BRINP1: variants seen among roughly 807,000 people sequenced by gnomAD.
BRINP1 encodes BMP/retinoic acid-inducible neural-specific protein 1.
In BRINP1, 17 loss-of-function variants were observed where a neutral mutation model predicts 72.9. The ratio of observed to expected loss-of-function variants is 0.23; its 90% CI spans 0.16 to 0.35. BRINP1 has a LOEUF of 0.35. Ranked by LOEUF, BRINP1 falls within the 10% of genes least tolerant of loss-of-function variation. The pLI, the probability that BRINP1 is intolerant of heterozygous loss-of-function variation, is 1.00. For missense variants in BRINP1, 850 were observed against 1,001.6 expected (o/e 0.85, Z 2.04); for synonymous variants, 418 against 378.5 (o/e 1.10, Z -1.21).
intron 1 of BRINP1, among the ~76,000 whole-genome samples, chr9:119,318,844 G>GGGGGGGTGT (rs111313745): frequency 1.1e-4 from 16 of 142,236 alleles, no homozygotes; most frequent in African/African-American, 2.3e-4. Flanking sequence ...AAATGTGTGG[G>GGGGGGGTGT]GTGTGTGTGT....
chr9:119,263,398 C>A (rs1830515524), intron 2 of BRINP1, among the ~76,000 whole-genome samples: 1 of 151,990 alleles, frequency 6.6e-6, no homozygotes, highest in Admixed American at 6.6e-5. Context: ...AAGTACTGGG[C>A]CTGGGCTTGG....
chr9:119,313,472 A>C, intron 1 of BRINP1, 67 bp from the exon 2 acceptor site: 1 of 1,404,126 alleles, frequency 7.1e-7, no homozygotes, highest in Non-Finnish European at 9.4e-7. Context: ...GGAGAGGGGA[A>C]GAGGAGTAAA....
intron 2 of BRINP1, among the ~76,000 whole-genome samples, chr9:119,285,954 C>T (rs144380300): frequency 0.013 from 2,037 of 152,208 alleles, 30 homozygotes; most frequent in Non-Finnish European, 0.021. Flanking sequence ...CCAACATCCC[C>T]GGGCAAACAG....
At position 119,255,732 on chromosome 9, in the gene BRINP1, T is replaced by A. The variant is rs549274874; in HGVS notation, c.219-6582A>T. On this transcript the variant is annotated intron_variant, in intron 2 of 7. Coordinates refer to ENST00000265922, the MANE Select transcript of BRINP1 (RefSeq NM_014618.3). The stretch of plus-strand genomic sequence containing the variant: ...ACTTTGGGAGGTCAAGGCGGGCAGA[T>A]CGCCTGAGCTCAGGAGTTCAAGACC... Among the ~76,000 whole-genome samples the A allele has an allele frequency of 2.0e-5, 3 of 152,030 alleles. No homozygotes were observed. The South Asian group carries it at 6.2e-4, about 32-fold the overall frequency.
chr9:119,311,047 G>C (rs1271995466), intron 2 of BRINP1, among the ~76,000 whole-genome samples: 1 of 152,134 alleles, frequency 6.6e-6, no homozygotes, highest in African/African-American at 2.4e-5. Flanking sequence ...TGATTTCCCA[G>C]TTATACACAT....
Position 119,265,443 on chromosome 9 carries a change from A to AT in BRINP1, c.219-16294dup, listed in dbSNP as rs542582542. Among the ~76,000 whole-genome samples, 478 of 151,528 alleles carry AT rather than the reference A, an allele frequency of 3.2e-3. 5 individuals carry two copies. The highest frequency in any genetic ancestry group is 0.017 in the Middle Eastern group (5 of 294). On this transcript the variant is annotated intron_variant, in intron 2 of 7. Transcript: ENST00000265922. The stretch of plus-strand genomic sequence containing the variant: ...GGCAAAACTCTTGTCTCTACTAAAA[A>AT]TAAAAAAAAAAATTAGCTGGGTGTG...
At chr9:119,177,021 C>T (rs1829497442) in intron 7 of BRINP1, among the ~76,000 whole-genome samples, 1 of 152,174 alleles carries the variant, frequency 6.6e-6, no homozygotes, top group Admixed American at 6.5e-5. Context: ...TCAGTTTCCC[C>T]TCCAGGCTCT....
At chr9:119,343,529 T>C (rs1196154844) in intron 1 of BRINP1, among the ~76,000 whole-genome samples, 1 of 152,200 alleles carries the variant, frequency 6.6e-6, no homozygotes, top group East Asian at 1.9e-4. Context: ...AATACCCTGT[T>C]TGAAAGCCAT....
rs142842587 is a variant in BRINP1 at position 119,341,404 on chromosome 9, A to G, written c.-51+27652T>C. Among the ~76,000 whole-genome samples, 18 of 152,292 alleles carry G rather than the reference A, an allele frequency of 1.2e-4. No individual in the cohort carries two copies. The East Asian group carries it at 3.3e-3, about 28-fold the overall frequency. On this transcript the variant is annotated intron_variant, in intron 1 of 7. Coordinates refer to ENST00000265922, the MANE Select transcript of BRINP1 (RefSeq NM_014618.3). ...ACGATGTCTTGAGCTTTTCTCTAACATTTGTAAATACGGATGATCCCCAAC... is the reference window on the plus strand; with the variant it reads ...ACGATGTCTTGAGCTTTTCTCTAACGTTTGTAAATACGGATGATCCCCAAC...
intron 7 of BRINP1, among the ~76,000 whole-genome samples, chr9:119,176,781 G>GTT (rs1360904989): frequency 6.6e-6 from 1 of 152,160 alleles, no homozygotes; most frequent in Non-Finnish European, 1.5e-5. Context: ...TCGCTCTGGA[G>GTT]TTTGAGGAAA....
chr9:119,324,988 T>C (rs938167319), intron 1 of BRINP1, among the ~76,000 whole-genome samples: 1 of 151,960 alleles, frequency 6.6e-6, no homozygotes, highest in African/African-American at 2.4e-5. Flanking sequence ...TAATCCCAGC[T>C]ACTCGGGAGG....
intron 1 of BRINP1, among the ~76,000 whole-genome samples, chr9:119,316,895 A>C (rs1359450957): frequency 2.0e-5 from 3 of 148,972 alleles, no homozygotes; most frequent in Non-Finnish European, 4.4e-5. Flanking sequence ...GATCGAGACT[A>C]TCCTGGCCAA....
chr9:119,290,278 G>A (rs969442272), intron 2 of BRINP1, among the ~76,000 whole-genome samples: 3 of 152,184 alleles, frequency 2.0e-5, no homozygotes, highest in Admixed American at 6.5e-5. Context: ...ACCTTTCACA[G>A]GCTCAGAGCA....
intron 2 of BRINP1, among the ~76,000 whole-genome samples, chr9:119,253,822 G>A (rs1830418388): frequency 1.3e-5 from 2 of 152,182 alleles, no homozygotes. Context: ...CAGAGAGGTT[G>A]TCAAGGACCA....
rs1829320013 is a variant in BRINP1 at position 119,166,943 on chromosome 9, A to ACAAATGAAGATTTTCCTC, written c.*123_*140dup. ...AGTTGCTAGAACGTTTTCATTTCCA[A>ACAAATGAAGATTTTCCTC]CAAATGAAGATTTTCCTCCTTTTCT... is the stretch of plus-strand genomic sequence containing the variant. On this transcript the variant is annotated 3_prime_UTR_variant, in exon 8 of 8. Transcript: ENST00000265922. The ACAAATGAAGATTTTCCTC allele has an allele frequency of 7.5e-6, 7 of 937,418 alleles. No homozygotes were observed. In the East Asian group the frequency reaches 7.5e-5, roughly 10 times the overall value. The allele number at this position is 937,418 out of a possible 1,614,324, so 58.1% of individuals were successfully genotyped here.
chr9:119,353,093 C>T (rs1831521801), intron 1 of BRINP1, among the ~76,000 whole-genome samples: 1 of 152,138 alleles, frequency 6.6e-6, no homozygotes, highest in Admixed American at 6.5e-5. Context: ...CATTTTATGG[C>T]CTAAAGATTC....
intron 1 of BRINP1, among the ~76,000 whole-genome samples, chr9:119,348,383 C>T (rs188049083): frequency 7.2e-5 from 11 of 152,230 alleles, no homozygotes; most frequent in Admixed American, 4.6e-4. Context: ...TAGTTGCTTC[C>T]GAGTTTTGGC....
intron 1 of BRINP1, among the ~76,000 whole-genome samples, chr9:119,349,060 T>G (rs138981572): frequency 2.0e-4 from 31 of 152,210 alleles, no homozygotes; most frequent in African/African-American, 6.7e-4. Flanking sequence ...AAGAAAAGAC[T>G]TGAACCCAAG....
chr9:119,333,858 T>C (rs1202780746), intron 1 of BRINP1, among the ~76,000 whole-genome samples: 2 of 152,198 alleles, frequency 1.3e-5, no homozygotes, highest in African/African-American at 4.8e-5. Context: ...GGGCCCTTAA[T>C]CTTCAAAACA....
Sources: allele counts gnomAD v4.1 joint callset (sites outside exome capture counted in the v4.1 genomes callset), GRCh38; gene constraint gnomAD v4.1.1; transcripts MANE v1.5; gene names NCBI Gene and HGNC (gene_info 2026-07-23, HGNC 2026-07-21).